The following TAF2 variants were observed in gnomAD, a reference collection of about 807,000 sequenced individuals.
TAF2 encodes transcription initiation factor TFIID subunit 2.
Under a neutral mutation model 138.5 loss-of-function variants are expected in TAF2, and 61 were observed. The ratio of observed to expected loss-of-function variants is 0.44; its 90% CI spans 0.36 to 0.54. The LOEUF (loss-of-function observed/expected upper bound fraction) is 0.54, where lower values mean the gene tolerates loss of function less well. Among genes scored for constraint, TAF2 ranks in the 20% least tolerant of loss-of-function variants. The probability of loss-of-function intolerance (pLI) is 0.00; values close to 1 mark genes in which losing one functional copy is unlikely to be tolerated. For missense variants in TAF2, 1,090 were observed against 1,427.9 expected (o/e 0.76, Z 3.81); for synonymous variants, 475 against 469.9 (o/e 1.01, Z -0.14).
At chr8:119,764,124 TGA>T (rs1465988012) in intron 18 of TAF2, among the ~76,000 whole-genome samples, 1 of 151,922 alleles carries the variant, frequency 6.6e-6, no homozygotes, top group African/African-American at 2.4e-5. Context: ...CCAGCCTGGG[TGA>T]GAGAGCCAGA....
intron 18 of TAF2, 58 bp downstream of exon 18, chr8:119,777,961 A>G: frequency 1.1e-6 from 1 of 907,526 alleles, no homozygotes; most frequent in Non-Finnish European, 1.7e-6. Context: ...TGTAATATTC[A>G]TTAAGAAAAT....
At chr8:119,766,160 G>A (rs959075039) in intron 18 of TAF2, among the ~76,000 whole-genome samples, 8 of 152,100 alleles carry the variant, frequency 5.3e-5, no homozygotes, top group Non-Finnish European at 8.8e-5. Context: ...AGCGATTTAG[G>A]AATCTATTGT....
chr8:119,811,623 G>A (rs1332023769), intron 3 of TAF2, among the ~76,000 whole-genome samples: 2 of 151,624 alleles, frequency 1.3e-5, no homozygotes, highest in Non-Finnish European at 2.9e-5. Flanking sequence ...TGGCTAACAC[G>A]GTGAAACCCC....
At position 119,795,634 on chromosome 8, in the gene TAF2, A is replaced by G. The variant is rs1411828792; in HGVS notation, c.1092-3T>C. 2 of 1,613,372 alleles carry G rather than the reference A, an allele frequency of 1.2e-6. No individual in the cohort carries two copies. The highest frequency in any genetic ancestry group is 1.7e-6 in the Non-Finnish European group (2 of 1,179,484). On this transcript the variant is annotated splice_region_variant and splice_polypyrimidine_tract_variant and intron_variant, in intron 8 of 25. Coordinates refer to ENST00000378164, the MANE Select transcript of TAF2 (RefSeq NM_003184.4). The stretch of plus-strand genomic sequence containing the variant: ...CCTTCAGCACCCATTCATCAGACCT[A>G]AGCAAAAAGTCAAAGCATAAATTAC...
intron 20 of TAF2, among the ~76,000 whole-genome samples, chr8:119,759,184 ACT>A (rs1431681342): frequency 1.6e-4 from 25 of 152,112 alleles, no homozygotes; most frequent in African/African-American, 6.0e-4. Context: ...CAACAAAATC[ACT>A]GTTTTTATAA....
chr8:119,803,742 A>T lies in TAF2; in HGVS notation c.560+136T>A, dbSNP rs1051102349. On this transcript the variant is annotated intron_variant, in intron 5 of 25. Transcript: ENST00000378164. The stretch of plus-strand genomic sequence containing the variant: ...TTTTTTAAGAGGAATGACTAACAGA[A>T]AGTAATTTGAAAGAAGTCTAAATTT... 5.4e-6 allele frequency: 5 copies of T among 927,356 alleles called. No individual in the cohort carries two copies. In the African/African-American group the frequency reaches 8.4e-5, roughly 16 times the overall value. The allele number at this position is 927,356 out of a possible 1,614,324, so 57.4% of individuals were successfully genotyped here. A position where few individuals can be genotyped will look rare whatever the true frequency, so the allele number is the denominator to read the frequency against.
chr8:119,742,785 A>C, intron 24 of TAF2, 129 bp from the exon 25 acceptor site: 1 of 1,283,406 alleles, frequency 7.8e-7, no homozygotes, highest in Non-Finnish European at 1.1e-6. Context: ...AAATTCTAAC[A>C]ATTGAAAGAA....
At position 119,788,436 on chromosome 8, in the gene TAF2, T is replaced by G; in HGVS notation, c.1695A>C (p.Lys565Asn). Residue 565 changes from lysine to asparagine, a missense_variant, in exon 14 of 26, where the codon AAA becomes AAC. Coordinates refer to ENST00000378164, the MANE Select transcript of TAF2 (RefSeq NM_003184.4). Reference sequence around the variant, plus strand: ...ATCCATCTAACTCCTGCACTGTCACTTTAAGTGGTCCCTTTTAAAAAAAAA... The same window carrying G: ...ATCCATCTAACTCCTGCACTGTCACGTTAAGTGGTCCCTTTTAAAAAAAAA... ...PGTQKYVGPL[K>N]VTVQELDGSF... The G allele has an allele frequency of 6.2e-7, 1 of 1,612,594 alleles. No individual in the cohort carries two copies. The highest frequency in any genetic ancestry group is 8.5e-7 in the Non-Finnish European group (1 of 1,179,566).
intron 3 of TAF2, among the ~76,000 whole-genome samples, chr8:119,813,959 A>C (rs1450684368): frequency 6.6e-6 from 1 of 152,086 alleles, no homozygotes; most frequent in Non-Finnish European, 1.5e-5. Flanking sequence ...CCAGTAAAAA[A>C]TAAAAAATTA....
chr8:119,785,672 T>C (rs1371082979), intron 14 of TAF2, among the ~76,000 whole-genome samples: 2 of 152,210 alleles, frequency 1.3e-5, no homozygotes, highest in Non-Finnish European at 2.9e-5. Flanking sequence ...CAAGGTTCTG[T>C]CCTATATGAA....
At position 119,811,823 on chromosome 8, in the gene TAF2, A is replaced by T. The variant is rs934138504; in HGVS notation, c.300-5422T>A. Among the ~76,000 whole-genome samples the T allele has an allele frequency of 2.2e-4, 34 of 151,774 alleles. 1 individual carries two copies. Among genetic ancestry groups the T allele is most frequent in the East Asian group, 2.1e-3 (11 of 5,178 alleles). Reference sequence around the variant, plus strand: ...TCCGTCTCAAAAAAAAAAAAAAAAAAAAAAATAACCAAAACAAAATTTAAC... The same window carrying T: ...TCCGTCTCAAAAAAAAAAAAAAAAATAAAAATAACCAAAACAAAATTTAAC... On this transcript the variant is annotated intron_variant, in intron 3 of 25. Coordinates refer to ENST00000378164, the MANE Select transcript of TAF2 (RefSeq NM_003184.4).
Position 119,797,593 on chromosome 8 carries a change from G to T in TAF2, c.977+69C>A, listed in dbSNP as rs529959117. ...TTCAAAGCTCGTCTTAAAATTGACC[G>T]CAAAATCAGTAAATTTTCTTCATAT... On this transcript the variant is annotated intron_variant, in intron 7 of 25. Coordinates refer to ENST00000378164, the MANE Select transcript of TAF2 (RefSeq NM_003184.4). The T allele has an allele frequency of 4.3e-5, 64 of 1,487,074 alleles. 1 individual carries two copies. In the South Asian group the frequency reaches 6.8e-4, roughly 16 times the overall value. 92.1% of individuals were successfully genotyped at this position (1,487,074 alleles called of 1,614,324 possible). A position where few individuals can be genotyped will look rare whatever the true frequency, so the allele number is the denominator to read the frequency against.
At chr8:119,773,066 A>G (rs940172546) in intron 18 of TAF2, among the ~76,000 whole-genome samples, 1 of 149,140 alleles carries the variant, frequency 6.7e-6, no homozygotes, top group African/African-American at 2.4e-5. Flanking sequence ...CATCATCATT[A>G]TTGAAAAAGC....
At chr8:119,814,082 C>A (rs1421446469) in intron 3 of TAF2, among the ~76,000 whole-genome samples, 3 of 152,010 alleles carry the variant, frequency 2.0e-5, no homozygotes, top group Non-Finnish European at 4.4e-5. Context: ...ATGATTACAC[C>A]ACTGCATTCC....
In TAF2 at chr8:119,819,453, C is replaced by T; in HGVS notation, c.192G>A (p.Lys64=). ...ATATTCTACACTGTTTGCTGTTCAACTTGATTCTATTCAAGTTTGCAACTG... is the reference window on the plus strand; with the variant it reads ...ATATTCTACACTGTTTGCTGTTCAATTTGATTCTATTCAAGTTTGCAACTG... The part of the protein sequence containing the change: ...FPTVANLNRI[K]LNSKQCRIYR... The change falls in exon 3 of 26, where the codon AAG becomes AAA. Residue 64 remains lysine (K), a synonymous_variant. Coordinates refer to ENST00000378164, the MANE Select transcript of TAF2 (RefSeq NM_003184.4). The T allele has an allele frequency of 6.2e-7, 1 of 1,611,596 alleles. No homozygotes were observed. Among genetic ancestry groups the T allele is most frequent in the Non-Finnish European group, 8.5e-7 (1 of 1,179,498 alleles).
chr8:119,816,988 T>C (rs1194845574), intron 3 of TAF2, among the ~76,000 whole-genome samples: 1 of 152,202 alleles, frequency 6.6e-6, no homozygotes, highest in Non-Finnish European at 1.5e-5. Context: ...AGCAAAAATA[T>C]TGAAAATCAC....
At chr8:119,789,226 C>T (rs907298160) in intron 12 of TAF2, among the ~76,000 whole-genome samples, 1 of 152,128 alleles carries the variant, frequency 6.6e-6, no homozygotes, top group African/African-American at 2.4e-5. Context: ...GCGCCAACCC[C>T]TAATCACATC....
chr8:119,831,361 G>A (rs1441449346), intron 2 of TAF2, among the ~76,000 whole-genome samples: 2 of 151,892 alleles, frequency 1.3e-5, no homozygotes, highest in African/African-American at 2.4e-5. Context: ...AAGAAATGTC[G>A]CTATGGGCTT....
rs1425229612 is a variant in TAF2, at chr8:119,741,838, C to T, written c.3337+696G>A. On this transcript the variant is annotated intron_variant, in intron 25 of 25. Coordinates refer to ENST00000378164, the MANE Select transcript of TAF2 (RefSeq NM_003184.4). ...GTATCTTGTTTTTTCACTCCCTGTT[C>T]CTTGAGAATTTGAGGACTGAATCTT... 2.0e-5 allele frequency among the ~76,000 whole-genome samples: 3 copies of T among 152,110 alleles called. No individual in the cohort carries two copies. In the East Asian group the frequency reaches 5.8e-4, roughly 29 times the overall value.
Sources: allele counts gnomAD v4.1 joint callset (sites outside exome capture counted in the v4.1 genomes callset), GRCh38; gene constraint gnomAD v4.1.1; transcripts MANE v1.5; gene names NCBI Gene and HGNC (gene_info 2026-07-23, HGNC 2026-07-21).